The following UGT2B15 variants were observed in gnomAD, a reference collection of about 807,000 sequenced individuals.
UGT2B15 encodes UDP glucuronosyltransferase family 2 member B15.
A neutral mutation model predicts 45.9 loss-of-function variants in UGT2B15; 36 were observed. That is an observed-to-expected ratio of 0.78 (90% CI 0.60 to 1.04). The LOEUF is 1.04. UGT2B15 is among the 50% of genes least tolerant of loss of function. The pLI is 0.00. For synonymous variants in UGT2B15, 219 were observed against 216.4 expected, an observed-to-expected ratio of 1.01 and a Z score of -0.11; for missense variants, 617 against 622.4, an observed-to-expected ratio of 0.99 and a Z score of 0.09.
In UGT2B15 at chr4:68,669,907, T is replaced by G; in HGVS notation, c.712A>C (p.Ser238Arg). The G allele has an allele frequency of 6.2e-7, 1 of 1,610,506 alleles. No individual in the cohort carries two copies. The highest frequency in any genetic ancestry group is 8.5e-7 in the Non-Finnish European group (1 of 1,179,142). ...ACACATGACTTACCTAGAACTTCAC[T>G]ATAAAACTGGTCCCACTTCTTCAGA... ...YDLKKWDQFY[S>R]EVLGRPTTLF... The change falls in exon 1 of 6, where the codon AGT (serine) becomes CGT (arginine). Residue 238 changes from serine to arginine, a missense_variant. Around this residue, in one of 3 missense-constraint regions of UGT2B15, gnomAD observed 351 missense variants for 342.1 expected, o/e 1.03. Coordinates refer to ENST00000338206, the MANE Select transcript of UGT2B15 (RefSeq NM_001076.4).
In UGT2B15 at chr4:68,647,449, T is replaced by C. The variant is rs371577366; in HGVS notation, c.1314-66A>G. On this transcript the variant is annotated intron_variant, in intron 5 of 5. Coordinates refer to ENST00000338206, the MANE Select transcript of UGT2B15 (RefSeq NM_001076.4). The stretch of plus-strand genomic sequence containing the variant: ...TTATTGCTTAAGCATATCAAGTCTA[T>C]GGATGGTCTTTGAAAAGTGTCACAC... The C allele has an allele frequency of 4.7e-5, 71 of 1,495,424 alleles. 1 individual carries two copies. Among genetic ancestry groups the C allele is most frequent in the Non-Finnish European group, 6.1e-5 (68 of 1,112,726 alleles). 92.6% of individuals were successfully genotyped at this position (1,495,424 alleles called of 1,614,324 possible).
At chr4:68,659,174 TTG>T (rs1444007860) in intron 3 of UGT2B15, among the ~76,000 whole-genome samples, 1 of 152,042 alleles carries the variant, frequency 6.6e-6, no homozygotes, top group Admixed American at 6.6e-5. Context: ...TTAGGGCTTA[TTG>T]TTTGGCAAAT....
At chr4:68,656,671 T>A (rs1435061019) in intron 3 of UGT2B15, among the ~76,000 whole-genome samples, 1 of 152,180 alleles carries the variant, frequency 6.6e-6, no homozygotes, top group Non-Finnish European at 1.5e-5. Flanking sequence ...TTTTGCCATT[T>A]GCAGTATGAA....
chr4:68,668,822 A>G (rs571356310), intron 1 of UGT2B15, among the ~76,000 whole-genome samples: 20 of 152,224 alleles, frequency 1.3e-4, no homozygotes, highest in African/African-American at 4.3e-4. Context: ...TTTATAAATT[A>G]CCCAGTCTCA....
intron 3 of UGT2B15, among the ~76,000 whole-genome samples, chr4:68,660,378 C>T (rs1017488154): frequency 1.3e-5 from 2 of 151,792 alleles, no homozygotes; most frequent in African/African-American, 4.8e-5. Context: ...AGGAATTCAC[C>T]CAACTCGTAG....
chr4:68,653,157 A>C (rs970963633), intron 5 of UGT2B15, among the ~76,000 whole-genome samples: 2 of 152,072 alleles, frequency 1.3e-5, no homozygotes, highest in Admixed American at 6.6e-5. Flanking sequence ...CACTCCTAGC[A>C]TCTCCTCAAA....
Position 68,670,225 on chromosome 4 carries a change from C to A in UGT2B15, c.394G>T (p.Val132Phe). 1 of 1,613,980 alleles carries A rather than the reference C, an allele frequency of 6.2e-7. No individual in the cohort carries two copies. Residue 132 changes from valine (V) to phenylalanine (F), a missense_variant, in exon 1 of 6, where the codon GTT (valine) becomes TTT (phenylalanine). Coordinates refer to ENST00000338206, the MANE Select transcript of UGT2B15 (RefSeq NM_001076.4). ...TTCATCATAAGTTTCTTATTCAAAA[C>A]TGCATCTTTACAGAGCTTGTTACTG... Reference protein sequence around the residue: ...DYSNKLCKDAVLNKKLMMKLQ... With the variant: ...DYSNKLCKDAFLNKKLMMKLQ...
chr4:68,660,767 C>A (rs1732940999), intron 3 of UGT2B15, among the ~76,000 whole-genome samples: 2 of 151,822 alleles, frequency 1.3e-5, no homozygotes, highest in Non-Finnish European at 2.9e-5. Flanking sequence ...TCCCTTTCCA[C>A]CATTTTTCCT....
Position 68,652,885 on chromosome 4 carries a change from T to C in UGT2B15, c.1313+1152A>G, listed in dbSNP as rs929592400. The stretch of plus-strand genomic sequence containing the variant: ...AATAGAAATTTATCTAAGGAAGATG[T>C]GTGAATGACCAGTAAGCACATGAAA... On this transcript the variant is annotated intron_variant, in intron 5 of 5. Transcript: ENST00000338206. Among the ~76,000 whole-genome samples, 100 of 152,004 alleles carry C rather than the reference T, an allele frequency of 6.6e-4. 1 individual carries two copies. The highest frequency in any genetic ancestry group is 3.3e-3 in the East Asian group (17 of 5,182).
chr4:68,662,076 A>C (rs1578198818), intron 3 of UGT2B15, among the ~76,000 whole-genome samples: 1 of 152,208 alleles, frequency 6.6e-6, no homozygotes, highest in East Asian at 1.9e-4. Context: ...GTGTTAAAGT[A>C]ACTCTGTGTT....
At chr4:68,648,313 C>T (rs375367747) in intron 5 of UGT2B15, among the ~76,000 whole-genome samples, 28 of 152,182 alleles carry the variant, frequency 1.8e-4, no homozygotes, top group Admixed American at 5.2e-4. Flanking sequence ...CAATGGCCTT[C>T]GGTTTTTCTC....
chr4:68,655,253 G>A, intron 3 of UGT2B15, 71 bp from the exon 4 acceptor site: 1 of 1,530,934 alleles, frequency 6.5e-7, no homozygotes, highest in Non-Finnish European at 9.0e-7. Context: ...GAATTCTGAA[G>A]AGATTAATAA....
chr4:68,663,337 A>T (rs1005601285), intron 2 of UGT2B15, among the ~76,000 whole-genome samples, 198 bp from the exon 3 acceptor site: 8 of 152,064 alleles, frequency 5.3e-5, no homozygotes, highest in African/African-American at 1.7e-4. Flanking sequence ...ATTTGTGTAA[A>T]TATGTGTGCA....
chr4:68,664,062 C>T (rs1578199756), intron 2 of UGT2B15, among the ~76,000 whole-genome samples: 1 of 152,020 alleles, frequency 6.6e-6, no homozygotes. Flanking sequence ...ACTTGAACCA[C>T]AGTGGGAGAG....
In UGT2B15 at chr4:68,670,527, G is replaced by A; in HGVS notation, c.92C>T (p.Thr31Ile). Residue 31 changes from threonine (T) to isoleucine (I), a missense_variant, in exon 1 of 6, where the codon ACA becomes ATA. Thr to Ile is a moderately conservative substitution (Grantham distance 89, BLOSUM62 -1). Around this residue, in one of 3 missense-constraint regions of UGT2B15, gnomAD observed 351 missense variants for 342.1 expected, o/e 1.03. Coordinates refer to ENST00000338206, the MANE Select transcript of UGT2B15 (RefSeq NM_001076.4). ...CATATTTATCCAATGGCTGTATTCT[G>A]TGGGCCACACTAGCACCTTTCCACA... The part of the protein sequence containing the change: ...GSCGKVLVWP[T>I]EYSHWINMKT... The A allele has an allele frequency of 1.2e-6, 2 of 1,613,662 alleles. No homozygotes were observed. The highest frequency in any genetic ancestry group is 1.7e-6 in the Non-Finnish European group (2 of 1,179,888).
chr4:68,653,013 C>T (rs1305373388), intron 5 of UGT2B15, among the ~76,000 whole-genome samples: 1 of 152,076 alleles, frequency 6.6e-6, no homozygotes, highest in African/African-American at 2.4e-5. Context: ...CAGGTGATAA[C>T]AAGTGTTGGG....
intron 1 of UGT2B15, among the ~76,000 whole-genome samples, chr4:68,668,771 C>T (rs1733215497): frequency 1.3e-5 from 2 of 151,080 alleles, no homozygotes; most frequent in African/African-American, 4.9e-5. Flanking sequence ...TTTCTTGAGG[C>T]ATCCCAGTCA....
chr4:68,662,518 T>C lies in UGT2B15; in HGVS notation c.1005+490A>G, dbSNP rs72846823. Among the ~76,000 whole-genome samples, 596 of 145,550 alleles carry C rather than the reference T, an allele frequency of 4.1e-3. 9 individuals are homozygous for C. The highest frequency in any genetic ancestry group is 0.013 in the African/African-American group (493 of 38,520). Reference sequence around the variant, plus strand: ...CACTAAATAGACCTATTCCAATACATGGGAAGTAAAAACAGCCAGATTGCT... The same window carrying C: ...CACTAAATAGACCTATTCCAATACACGGGAAGTAAAAACAGCCAGATTGCT... On this transcript the variant is annotated intron_variant, in intron 3 of 5. Coordinates refer to ENST00000338206, the MANE Select transcript of UGT2B15 (RefSeq NM_001076.4).
chr4:68,667,391 G>A (rs1733171867), intron 2 of UGT2B15, among the ~76,000 whole-genome samples: 1 of 151,874 alleles, frequency 6.6e-6, no homozygotes, highest in African/African-American at 2.4e-5. Context: ...TCCCAGGCTG[G>A]TCTCAAACTC....
Sources: allele counts gnomAD v4.1 joint callset (sites outside exome capture counted in the v4.1 genomes callset), GRCh38; gene constraint gnomAD v4.1.1; regional missense constraint gnomAD v4.1.1; transcripts MANE v1.5; gene names NCBI Gene and HGNC (gene_info 2026-07-23, HGNC 2026-07-21).